Variants in TRRAP observed in about 807,000 individuals in gnomAD.
TRRAP encodes transformation/transcription domain-associated protein.
In TRRAP, 41 loss-of-function variants were observed where a neutral mutation model predicts 438.8. The ratio of observed to expected loss-of-function variants is 0.09; its 90% CI spans 0.07 to 0.12. TRRAP has a LOEUF of 0.12. Among genes scored for constraint, TRRAP ranks in the 10% least tolerant of loss-of-function variants. The pLI is 1.00. For missense variants in TRRAP, 3,122 were observed against 5,055.1 expected (o/e 0.62, Z 11.60); for synonymous variants, 1,994 against 1,962.9 (o/e 1.02, Z -0.42).
intron 53 of TRRAP, among the ~76,000 whole-genome samples, chr7:98,973,078 C>G (rs1473447237): frequency 6.6e-6 from 1 of 152,180 alleles, no homozygotes; most frequent in Non-Finnish European, 1.5e-5. Context: ...CTCCCAGGTT[C>G]TAGCGATTCT....
intron 3 of TRRAP, among the ~76,000 whole-genome samples, chr7:98,885,983 A>G (rs1351640974): frequency 1.3e-5 from 2 of 152,200 alleles, no homozygotes; most frequent in Non-Finnish European, 2.9e-5. Flanking sequence ...TTGATCAGCA[A>G]CTAAAAGTTA....
In TRRAP at chr7:99,005,346, C is replaced by A. The variant is rs571708554; in HGVS notation, c.10751C>A (p.Thr3584Lys). 5.3e-5 allele frequency: 85 copies of A among 1,613,836 alleles called. No homozygotes were observed. Among genetic ancestry groups the A allele is most frequent in the Non-Finnish European group, 6.9e-5 (82 of 1,180,018 alleles). Reference sequence around the variant, plus strand: ...ACCACCAAGAGGCACTTGTTTTTCACAGGTAGGGTTGAGAGCCACAGCTCG... The same window carrying A: ...ACCACCAAGAGGCACTTGTTTTTCAAAGGTAGGGTTGAGAGCCACAGCTCG... ...KETTKRHLFF[T>K]VPRVVAVSPQ... is the part of the protein sequence containing the mutation. The change falls in exon 69 of 73, where the codon ACA becomes AAA. Residue 3584 changes from threonine to lysine, a missense_variant and splice_region_variant. Coordinates refer to ENST00000456197, the MANE Select transcript of TRRAP (RefSeq NM_001375524.1). This position sits in a 1 kb window ranked among gnomAD's most constrained non-coding sequence, Gnocchi z 5.1.
rs782376411 is a variant in TRRAP at position 98,933,445 on chromosome 7, T to C, written c.4014+43T>C. 2.5e-6 allele frequency: 4 copies of C among 1,583,308 alleles called. No homozygotes were observed. In the South Asian group the frequency reaches 4.6e-5, roughly 18 times the overall value. ...CGGAGTGGTGTGGATGGTGATGACG[T>C]GTGTCTGCTAGCCTGTCTTTGTACG... On this transcript the variant is annotated intron_variant, in intron 27 of 72. Coordinates refer to ENST00000456197, the MANE Select transcript of TRRAP (RefSeq NM_001375524.1).
At chr7:98,972,217 T>A (rs1792449145) in intron 53 of TRRAP, among the ~76,000 whole-genome samples, 2 of 152,158 alleles carry the variant, frequency 1.3e-5, no homozygotes, top group Admixed American at 6.5e-5. Flanking sequence ...AATTTGTTAA[T>A]TTTTTAGTAG....
intron 40 of TRRAP, 131 bp from the exon 41 acceptor site, chr7:98,954,967 A>G (rs555067114): frequency 1.1e-6 from 1 of 872,848 alleles, no homozygotes; most frequent in African/African-American, 1.7e-5. Flanking sequence ...GTTGTTTCCT[A>G]ATAAGAAAGT....
rs3066870 is a variant in TRRAP at position 98,906,402 on chromosome 7, TTTTA to T, written c.1115+191_1115+194del. 4,447 of 194,698 alleles carry T rather than the reference TTTTA, an allele frequency of 0.023. 198 individuals carry two copies. Among genetic ancestry groups the T allele is most frequent in the African/African-American group, 0.096 (3,769 of 39,344 alleles). The allele number at this position is 194,698 out of a possible 1,614,324, so 12.1% of individuals were successfully genotyped here. ...AGCAAGTGCAGGATTTTTGTTTTTG[TTTTA>T]TTTATTTATTTATTTATTTATTTAT... On this transcript the variant is annotated intron_variant, in intron 13 of 72. Coordinates refer to ENST00000456197, the MANE Select transcript of TRRAP (RefSeq NM_001375524.1).
At chr7:98,891,099 T>G (rs547265054) in intron 4 of TRRAP, among the ~76,000 whole-genome samples, 1 of 150,352 alleles carries the variant, frequency 6.7e-6, no homozygotes, top group East Asian at 2.0e-4. Context: ...CCTAGCCTAG[T>G]GTCAGTTCTT....
intron 20 of TRRAP, among the ~76,000 whole-genome samples, chr7:98,917,968 A>G (rs1412978317): frequency 6.6e-6 from 1 of 151,938 alleles, no homozygotes; most frequent in Non-Finnish European, 1.5e-5. Context: ...CAAAAAATAC[A>G]AAAATTAGCC....
rs199977987 is a variant in TRRAP, at chr7:98,965,859, A to G, written c.7140A>G (p.Glu2380=). ...GGGCTGTGGTCAAAATCGTGGAAGA[A>G]TGGGTCAAGAATAACTCCCCAATGG... ...ILRAVVKIVE[E]WVKNNSPMAA... Residue 2380 remains glutamate, a synonymous_variant, in exon 49 of 73, where the codon GAA becomes GAG. Coordinates refer to ENST00000456197, the MANE Select transcript of TRRAP (RefSeq NM_001375524.1). 18 of 1,614,190 alleles carry G rather than the reference A, an allele frequency of 1.1e-5. No homozygotes were observed. In the East Asian group the frequency reaches 3.3e-4, roughly 30 times the overall value.
At chr7:98,882,424 G>A (rs1380433727) in intron 3 of TRRAP, among the ~76,000 whole-genome samples, 6 of 149,860 alleles carry the variant, frequency 4.0e-5, no homozygotes, top group African/African-American at 1.5e-4. Context: ...GTGCAGTGGC[G>A]TCATCTTGGC....
At chr7:99,004,801 AC>A (rs1794084579) in intron 68 of TRRAP, among the ~76,000 whole-genome samples, 2 of 152,154 alleles carry the variant, frequency 1.3e-5, no homozygotes, top group Non-Finnish European at 2.9e-5. Context: ...GTTTCTTTTA[AC>A]AAAAAGTGTG....
rs767415906 is a variant in TRRAP, at chr7:98,988,823, A to G, written c.9448A>G (p.Lys3150Glu). ...AAVQMHDVLVKAWAMWGDYLE... is the reference protein window; with the variant it reads ...AAVQMHDVLVEAWAMWGDYLE... The stretch of plus-strand genomic sequence containing the variant: ...TGTGCAGATGCACGATGTGCTGGTG[A>G]AAGCCTGGGCCATGTGGGGCGACTA... Residue 3150 changes from lysine (K) to glutamate (E), a missense_variant, in exon 63 of 73, where the codon AAA becomes GAA. By Grantham distance (56) the Lys-to-Glu change is moderately conservative. This residue lies in a region of TRRAP where 129 missense variants were observed against 279.2 expected (regional missense o/e 0.46). Coordinates refer to ENST00000456197, the MANE Select transcript of TRRAP (RefSeq NM_001375524.1). The G allele has an allele frequency of 1.9e-6, 3 of 1,614,250 alleles. No individual in the cohort carries two copies. Among genetic ancestry groups the G allele is most frequent in the Non-Finnish European group, 1.7e-6 (2 of 1,180,050 alleles).
intron 33 of TRRAP, among the ~76,000 whole-genome samples, chr7:98,947,326 G>A (rs1258510316): frequency 6.6e-6 from 1 of 152,178 alleles, no homozygotes; most frequent in Non-Finnish European, 1.5e-5. Context: ...TTTATTTTTA[G>A]GCCTGGTTGA....
chr7:98,920,029 G>A (rs782800145), intron 20 of TRRAP, among the ~76,000 whole-genome samples: 4 of 152,178 alleles, frequency 2.6e-5, no homozygotes, highest in Non-Finnish European at 5.9e-5. Flanking sequence ...CTACTTTTCT[G>A]ACAATTATTA....
chr7:98,953,557 C>T (rs1368562846), intron 40 of TRRAP, 124 bp downstream of exon 40: 5 of 1,369,800 alleles, frequency 3.7e-6, no homozygotes, highest in Non-Finnish European at 4.9e-6. Flanking sequence ...ACCATGAAAA[C>T]ACAGACACTG....
intron 69 of TRRAP, among the ~76,000 whole-genome samples, chr7:99,007,986 C>G (rs542219225): frequency 6.6e-6 from 1 of 151,702 alleles, no homozygotes; most frequent in Non-Finnish European, 1.5e-5. Context: ...CCACCACTCC[C>G]GGCTAATTTT....
At chr7:98,953,112 A>T (rs2116625274) in intron 39 of TRRAP, 55 bp from the exon 40 acceptor site, 1 of 1,575,920 alleles carries the variant, frequency 6.3e-7, no homozygotes, top group Non-Finnish European at 8.6e-7. Flanking sequence ...TATGACCCTC[A>T]GTCAGTAACC....
Position 98,951,017 on chromosome 7 carries a change from T to G in TRRAP, c.5463+13T>G, listed in dbSNP as rs1554418136. 3.2e-6 allele frequency: 5 copies of G among 1,573,504 alleles called. No homozygotes were observed. Among genetic ancestry groups the G allele is most frequent in the Non-Finnish European group, 4.3e-6 (5 of 1,163,208 alleles). On this transcript the variant is annotated intron_variant, in intron 39 of 72. Transcript: ENST00000456197. The stretch of plus-strand genomic sequence containing the variant: ...GTTTATTACCAAGGTGGTATCACTA[T>G]GTGTGTGGGTGTGAGAAGTAGCCTG...
chr7:98,899,024 C>T (rs1322201849), intron 8 of TRRAP, among the ~76,000 whole-genome samples: 1 of 152,080 alleles, frequency 6.6e-6, no homozygotes, highest in Non-Finnish European at 1.5e-5. Context: ...CGCATCTCTA[C>T]TAAAAAACAC....
Sources: allele counts gnomAD v4.1 joint callset (sites outside exome capture counted in the v4.1 genomes callset), GRCh38; gene constraint gnomAD v4.1.1; regional missense constraint gnomAD v4.1.1; non-coding constraint Gnocchi (gnomAD v3.1); transcripts MANE v1.5; gene names NCBI Gene and HGNC (gene_info 2026-07-23, HGNC 2026-07-21).